The following IL36B variants were observed in gnomAD, a reference collection of about 807,000 sequenced individuals.
IL36B encodes the protein interleukin-36 beta.
A neutral mutation model predicts 19.3 loss-of-function variants in IL36B; 23 were observed. The observed-to-expected ratio is 1.19, with a 90% CI of 0.86 to 1.69. The LOEUF is 1.69. Ranked by LOEUF, IL36B falls within the 40% of genes most tolerant of loss-of-function variation. The probability of loss-of-function intolerance (pLI) is 0.00; values close to 1 mark genes in which losing one functional copy is unlikely to be tolerated. For missense variants in IL36B, 217 were observed against 200.5 expected, an observed-to-expected ratio of 1.08 and a Z score of -0.50; for synonymous variants, 59 against 59.7, an observed-to-expected ratio of 0.99 and a Z score of 0.05.
intron 1 of IL36B, among the ~76,000 whole-genome samples, chr2:113,039,604 C>T (rs1398565813): frequency 1.3e-5 from 2 of 152,014 alleles, no homozygotes; most frequent in Non-Finnish European, 2.9e-5. Flanking sequence ...AACCACCTTA[C>T]TCAATCCAGT....
chr2:113,032,862 A>G (rs1685104605), intron 1 of IL36B, among the ~76,000 whole-genome samples: 1 of 152,222 alleles, frequency 6.6e-6, no homozygotes, highest in Non-Finnish European at 1.5e-5. Context: ...GAGGACTGAC[A>G]GTGGAGCAAC....
intron 1 of IL36B, among the ~76,000 whole-genome samples, chr2:113,041,511 A>G (rs1438377813): frequency 1.3e-5 from 2 of 152,240 alleles, no homozygotes; most frequent in African/African-American, 4.8e-5. Flanking sequence ...AAAAAGGCTA[A>G]TATTTCTTAA....
intron 1 of IL36B, among the ~76,000 whole-genome samples, chr2:113,046,208 C>CTTTTTTTTTT (rs1179343491): frequency 8.9e-5 from 1 of 11,190 alleles, no homozygotes; most frequent in Non-Finnish European, 1.5e-4. Flanking sequence ...CAGGTTTTTT[C>CTTTTTTTTTT]TTTTTTTTTT....
At chr2:113,050,421 A>C (rs1372025202) in intron 1 of IL36B, among the ~76,000 whole-genome samples, 1 of 152,154 alleles carries the variant, frequency 6.6e-6, no homozygotes. Context: ...ATGGAAAGTA[A>C]AATGGTGGTT....
At chr2:113,037,518 A>G (rs931983637) in intron 1 of IL36B, among the ~76,000 whole-genome samples, 3 of 152,124 alleles carry the variant, frequency 2.0e-5, no homozygotes, top group Admixed American at 6.5e-5. Flanking sequence ...GCGTGGTGGC[A>G]CATGCTTGTA....
intron 1 of IL36B, among the ~76,000 whole-genome samples, chr2:113,039,127 T>C (rs556306562): frequency 9.2e-5 from 14 of 152,328 alleles, no homozygotes; most frequent in Non-Finnish European, 1.9e-4. Flanking sequence ...TAGTCCAGGT[T>C]GGCCCCTGGA....
Sources: allele counts gnomAD v4.1 joint callset (sites outside exome capture counted in the v4.1 genomes callset), GRCh38; gene constraint gnomAD v4.1.1; transcripts MANE v1.5; gene names NCBI Gene and HGNC (gene_info 2026-07-23, HGNC 2026-07-21).